ADAM19: variants seen among roughly 807,000 people sequenced by gnomAD.
ADAM19 encodes ADAM metallopeptidase domain 19, also known as disintegrin and metalloproteinase domain-containing protein 19.
Under a neutral mutation model 114.7 loss-of-function variants are expected in ADAM19, and 65 were observed. The ratio of observed to expected loss-of-function variants is 0.57; its 90% CI spans 0.46 to 0.70. The LOEUF (loss-of-function observed/expected upper bound fraction) is 0.70, where lower values mean the gene tolerates loss of function less well. Ranked by LOEUF, ADAM19 falls within the 30% of genes least tolerant of loss-of-function variation. ADAM19 has a pLI of 0.00. For missense variants in ADAM19, 1,063 were observed against 1,204.7 expected (o/e 0.88, Z 1.74); for synonymous variants, 466 against 460.5 (o/e 1.01, Z -0.15).
chr5:157,526,783 G>A (rs565252647), intron 5 of ADAM19, among the ~76,000 whole-genome samples: 2 of 152,074 alleles, frequency 1.3e-5, no homozygotes, highest in East Asian at 1.9e-4. Flanking sequence ...ACCACACATG[G>A]CTAATTTTTA....
At chr5:157,518,484 A>G (rs975680432) in intron 7 of ADAM19, among the ~76,000 whole-genome samples, 5 of 152,242 alleles carry the variant, frequency 3.3e-5, no homozygotes, top group African/African-American at 1.2e-4. Context: ...TCCCAGGTTC[A>G]GGAAATGCTA....
At chr5:157,481,298 G>C (rs1161368256) in intron 22 of ADAM19, 4 of 571,594 alleles carry the variant, frequency 7.0e-6, no homozygotes, top group African/African-American at 1.9e-5. Flanking sequence ...AGCATGGTCA[G>C]CCAGCTTCTT....
chr5:157,502,851 C>G lies in ADAM19; in HGVS notation c.1260G>C (p.Gly420=), dbSNP rs1755613514. 3 of 1,614,092 alleles carry G rather than the reference C, an allele frequency of 1.9e-6. No homozygotes were observed. Among genetic ancestry groups the G allele is most frequent in the Non-Finnish European group, 2.5e-6 (3 of 1,180,046 alleles). ...CTTCCCCATCTTCCAGATACCCGTT[C>G]CCACACCTCCGGCCTCCATACAACA... ...TRMLYGGRRC[G]NGYLEDGEEC... is the part of the protein sequence containing the mutation. The change falls in exon 12 of 23, where the codon GGG becomes GGC. Residue 420 remains glycine (G), a synonymous_variant. Transcript: ENST00000257527.
chr5:157,477,770 G>T lies in ADAM19; in HGVS notation c.*3179C>A. ...AAGAATAAATTAGGAAGTAGGCAGG[G>T]AGAGACTTCCAATAAAGATTGGAAA... is the stretch of plus-strand genomic sequence containing the variant. On this transcript the variant is annotated 3_prime_UTR_variant, in exon 23 of 23. Coordinates refer to ENST00000257527, the MANE Select transcript of ADAM19 (RefSeq NM_033274.5). The T allele has an allele frequency of 7.9e-7, 1 of 1,270,636 alleles. No individual in the cohort carries two copies. Among genetic ancestry groups the T allele is most frequent in the Non-Finnish European group, 1.0e-6 (1 of 971,524 alleles). 78.7% of individuals were successfully genotyped at this position (1,270,636 alleles called of 1,614,324 possible).
chr5:157,509,520 A>C, intron 8 of ADAM19, 53 bp from the exon 9 acceptor site: 2 of 1,343,160 alleles, frequency 1.5e-6, no homozygotes. Context: ...TGGGATTTAA[A>C]AGCCCCTTCC....
intron 11 of ADAM19, among the ~76,000 whole-genome samples, chr5:157,503,746 C>A (rs922889228): frequency 6.6e-6 from 1 of 152,176 alleles, no homozygotes; most frequent in Non-Finnish European, 1.5e-5. Flanking sequence ...TCTCTTGTGA[C>A]AGAGGACCAG....
In ADAM19 at chr5:157,480,892, T is replaced by A; in HGVS notation, c.*57A>T. 6.2e-7 allele frequency: 1 copy of A among 1,612,486 alleles called. No individual in the cohort carries two copies. Among genetic ancestry groups the A allele is most frequent in the African/African-American group, 1.3e-5 (1 of 74,966 alleles). ...ATGCTTCTTCAGGGTTCCATGGCCA[T>A]GGGTCCTCTGCAGTGTCCAGAGAGC... is the stretch of plus-strand genomic sequence containing the variant. On this transcript the variant is annotated 3_prime_UTR_variant, in exon 23 of 23. Transcript: ENST00000257527.
intron 2 of ADAM19, chr5:157,568,323 C>T (rs548214809): frequency 5.9e-5 from 9 of 152,344 alleles, no homozygotes; most frequent in Admixed American, 5.2e-4. Context: ...ATAATTCTCT[C>T]TATTCTGGAA....
At chr5:157,509,530 C>T in intron 8 of ADAM19, 63 bp from the exon 9 acceptor site, 1 of 1,257,804 alleles carries the variant, frequency 8.0e-7, no homozygotes, top group Non-Finnish European at 1.0e-6. Context: ...AAGCCCCTTC[C>T]TTTCATTCTG....
chr5:157,514,852 C>G (rs1007067578), intron 7 of ADAM19, among the ~76,000 whole-genome samples: 4 of 152,192 alleles, frequency 2.6e-5, no homozygotes, highest in African/African-American at 9.7e-5. Flanking sequence ...TGGGCATGTC[C>G]TGTACACTGC....
At chr5:157,509,605 G>A (rs1755852355) in intron 8 of ADAM19, 138 bp from the exon 9 acceptor site, 2 of 744,794 alleles carry the variant, frequency 2.7e-6, no homozygotes, top group South Asian at 5.0e-5. Flanking sequence ...TAAAAAAAAA[G>A]CTCCTTCCTA....
chr5:157,494,920 C>T (rs1755307148), intron 14 of ADAM19, 125 bp from the exon 15 acceptor site: 3 of 665,634 alleles, frequency 4.5e-6, no homozygotes, highest in Non-Finnish European at 7.8e-6. Context: ...CCTCTTCTTC[C>T]TGTTCCCTCC....
chr5:157,539,403 GA>G (rs1227600515), intron 3 of ADAM19, among the ~76,000 whole-genome samples: 19 of 152,282 alleles, frequency 1.2e-4, no homozygotes, highest in African/African-American at 4.3e-4. Flanking sequence ...GGTTTTGAAA[GA>G]GGTGACATTT....
chr5:157,553,221 G>C (rs1327152258), intron 3 of ADAM19, among the ~76,000 whole-genome samples: 1 of 152,110 alleles, frequency 6.6e-6, no homozygotes. Context: ...ATGCCTGATG[G>C]AATGGATACC....
At chr5:157,507,994 C>T (rs1323029578) in intron 9 of ADAM19, among the ~76,000 whole-genome samples, 2 of 152,202 alleles carry the variant, frequency 1.3e-5, no homozygotes, top group African/African-American at 2.4e-5. Context: ...ATTTTGGGAT[C>T]GTAGAACCTA....
intron 15 of ADAM19, 23 bp from the exon 16 acceptor site, chr5:157,493,200 GA>G: frequency 6.2e-7 from 1 of 1,607,158 alleles, no homozygotes; most frequent in Non-Finnish European, 8.5e-7. Context: ...GACAGAGAGG[GA>G]AGGAAGCGGA....
intron 5 of ADAM19, among the ~76,000 whole-genome samples, chr5:157,525,963 G>A (rs1756440676): frequency 6.6e-6 from 1 of 152,080 alleles, no homozygotes; most frequent in Admixed American, 6.6e-5. Context: ...AGACCACTAT[G>A]GATGATTTAT....
chr5:157,570,912 T>C lies in ADAM19; in HGVS notation c.163A>G (p.Ser55Gly). 1 of 1,614,196 alleles carries C rather than the reference T, an allele frequency of 6.2e-7. No homozygotes were observed. The highest frequency in any genetic ancestry group is 8.5e-7 in the Non-Finnish European group (1 of 1,180,018). The change falls in exon 2 of 23, where the codon AGC becomes GGC. Residue 55 changes from serine to glycine, a missense_variant. Ser to Gly is a moderately conservative substitution (Grantham distance 56). Around this residue, in one of 3 missense-constraint regions of ADAM19, gnomAD observed 615 missense variants for 706.3 expected, o/e 0.87. Coordinates refer to ENST00000257527, the MANE Select transcript of ADAM19 (RefSeq NM_033274.5). ...AGTCTTACCTTTTCTCTCACGGGGC[T>C]TTCTGAAGTCTTCCACTGAGGTATG... The part of the protein sequence containing the change: ...LIIPQWKTSE[S>G]PVREKHPLKA...
intron 16 of ADAM19, among the ~76,000 whole-genome samples, chr5:157,492,162 T>C (rs1223062044): frequency 1.3e-5 from 2 of 152,106 alleles, no homozygotes; most frequent in African/African-American, 4.8e-5. Flanking sequence ...CCTGGTGGCC[T>C]GTGTCTGTAA....
Sources: gnomAD v4.1 joint callset for allele counts (sites outside exome capture counted in the v4.1 genomes callset) on GRCh38, gnomAD v4.1.1 for gene constraint, gnomAD v4.1.1 regional missense constraint, MANE v1.5 for transcripts, NCBI Gene and HGNC (gene_info 2026-07-23, HGNC 2026-07-21) for gene names.